Variants in EVI5 observed in about 807,000 individuals in gnomAD.
EVI5 encodes the protein ecotropic viral integration site 5 protein homolog.
In EVI5, 73 loss-of-function variants were observed where a neutral mutation model predicts 112.0. The observed-to-expected ratio is 0.65, with a 90% CI of 0.54 to 0.79. The LOEUF is 0.79. Ranked by LOEUF, EVI5 falls within the 30% of genes least tolerant of loss-of-function variation. EVI5 has a pLI of 0.00. For missense variants in EVI5, 900 were observed against 968.8 expected, an observed-to-expected ratio of 0.93 and a Z score of 0.94; for synonymous variants, 305 against 319.9, an observed-to-expected ratio of 0.95 and a Z score of 0.50.
chr1:92,603,234 C>A (rs187079550), intron 18 of EVI5, among the ~76,000 whole-genome samples: 1 of 152,092 alleles, frequency 6.6e-6, no homozygotes, highest in African/African-American at 2.4e-5. Context: ...AAAATGAAAT[C>A]CTCATGCATT....
At chr1:92,734,783 C>T (rs1677066208) in intron 2 of EVI5, among the ~76,000 whole-genome samples, 1 of 151,930 alleles carries the variant, frequency 6.6e-6, no homozygotes, top group South Asian at 2.1e-4. Flanking sequence ...AGACTTTTAC[C>T]CCAAACATAT....
At chr1:92,694,216 G>T in intron 8 of EVI5, 83 bp downstream of exon 8, 1 of 778,210 alleles carries the variant, frequency 1.3e-6, no homozygotes, top group South Asian at 1.7e-5. Context: ...AGTGAGCCAA[G>T]ATCACGCCAC....
At chr1:92,765,234 T>A (rs1313274567) in intron 1 of EVI5, among the ~76,000 whole-genome samples, 2 of 147,996 alleles carry the variant, frequency 1.4e-5, no homozygotes, top group Non-Finnish European at 3.0e-5. Flanking sequence ...TTTTTTTTTT[T>A]AATAGAGACA....
intron 1 of EVI5, among the ~76,000 whole-genome samples, chr1:92,770,555 C>T (rs1181096404): frequency 6.6e-6 from 1 of 152,044 alleles, no homozygotes; most frequent in Non-Finnish European, 1.5e-5. Context: ...CTTTGGGAGG[C>T]CAAGGCGGGC....
At chr1:92,539,008 G>GT (rs1664338489) in intron 19 of EVI5, among the ~76,000 whole-genome samples, 1 of 152,224 alleles carries the variant, frequency 6.6e-6, no homozygotes, top group Non-Finnish European at 1.5e-5. Flanking sequence ...CACTGAGGCA[G>GT]TGGAGTAGTG....
chr1:92,634,805 T>A (rs1349576584), intron 14 of EVI5, among the ~76,000 whole-genome samples: 1 of 152,184 alleles, frequency 6.6e-6, no homozygotes, highest in Non-Finnish European at 1.5e-5. Flanking sequence ...CCCATCTTTG[T>A]GGTTTTATCT....
chr1:92,591,140 T>C (rs1328266743), intron 18 of EVI5, among the ~76,000 whole-genome samples: 1 of 152,188 alleles, frequency 6.6e-6, no homozygotes, highest in Admixed American at 6.5e-5. Context: ...GAACAACTGA[T>C]ACCAGCCACT....
In EVI5 at chr1:92,513,866, G is replaced by T. The variant is rs201155262; in HGVS notation, c.2271C>A (p.Ser757=). The T allele has an allele frequency of 6.2e-7, 1 of 1,612,854 alleles. No homozygotes were observed. The highest frequency in any genetic ancestry group is 2.2e-5 in the East Asian group (1 of 44,844). The change falls in exon 20 of 20, where the codon TCC becomes TCA. Residue 757 remains serine, a synonymous_variant. Transcript: ENST00000684568. The part of the protein sequence containing the change: ...LIGDDESFHS[S]DEDFIDNSLQ... ...AGGAATTATCTATAAAATCTTCATC[G>T]GAGGAATGGAATGATTCATCATCTC... is the stretch of plus-strand genomic sequence containing the variant.
chr1:92,624,356 T>G, intron 15 of EVI5, 22 bp from the exon 16 acceptor site: 1 of 1,602,968 alleles, frequency 6.2e-7, no homozygotes, highest in Non-Finnish European at 8.5e-7. Flanking sequence ...AAAATTATAT[T>G]GCAACAAATA....
At chr1:92,725,971 G>C (rs1231631799) in intron 2 of EVI5, among the ~76,000 whole-genome samples, 2 of 152,132 alleles carry the variant, frequency 1.3e-5, no homozygotes, top group African/African-American at 2.4e-5. Flanking sequence ...AAATACACTA[G>C]ATGGGATTAA....
chr1:92,684,923 CAA>C (rs984106412), intron 9 of EVI5, among the ~76,000 whole-genome samples: 1 of 152,054 alleles, frequency 6.6e-6, no homozygotes, highest in African/African-American at 2.4e-5. Context: ...GAGAGACCTA[CAA>C]AGAGACTTAG....
chr1:92,754,079 G>C (rs1342541304), intron 1 of EVI5, among the ~76,000 whole-genome samples: 3 of 152,154 alleles, frequency 2.0e-5, no homozygotes, highest in Non-Finnish European at 4.4e-5. Flanking sequence ...TACTCCCATA[G>C]CCAGGGTAGC....
chr1:92,749,810 C>T (rs1375822605), intron 1 of EVI5, among the ~76,000 whole-genome samples: 1 of 152,170 alleles, frequency 6.6e-6, no homozygotes, highest in African/African-American at 2.4e-5. Context: ...CCTTATCACA[C>T]ATAATCTACA....
Position 92,592,075 on chromosome 1 carries a change from C to G in EVI5, c.2070+13232G>C, listed in dbSNP as rs371228415. On this transcript the variant is annotated intron_variant, in intron 18 of 19. Coordinates refer to ENST00000684568, the MANE Select transcript of EVI5 (RefSeq NM_001350197.2). ...TGGCTAACATGGTGAAACCCCGTCT[C>G]TACTAAAAATACAAAAAATTAGCCG... 1.1e-4 allele frequency among the ~76,000 whole-genome samples: 16 copies of G among 152,242 alleles called. No homozygotes were observed. In the East Asian group the frequency reaches 1.7e-3, roughly 17 times the overall value.
At chr1:92,626,408 T>A (rs770073623) in intron 14 of EVI5, among the ~76,000 whole-genome samples, 2 of 152,206 alleles carry the variant, frequency 1.3e-5, no homozygotes, top group African/African-American at 4.8e-5. Context: ...ATATACCACA[T>A]TTAATCTATT....
upstream of EVI5, among the ~76,000 whole-genome samples, chr1:92,787,568 CA>C (rs5776157): frequency 0.91 from 137,757 of 151,294 alleles, 62,761 homozygotes; most frequent in South Asian, 0.97. Context: ...CCTATCTTTA[CA>C]AAAAAAAAAT....
rs550958009 is a variant in EVI5 at position 92,639,108 on chromosome 1, T to C, written c.1393-2772A>G. Reference sequence around the variant, plus strand: ...ATAGAAATGACAGATGACTTCTCTATACTTACATCAAGTTAATTTATGTAA... The same window carrying C: ...ATAGAAATGACAGATGACTTCTCTACACTTACATCAAGTTAATTTATGTAA... On this transcript the variant is annotated intron_variant, in intron 13 of 19. Coordinates refer to ENST00000684568, the MANE Select transcript of EVI5 (RefSeq NM_001350197.2). 1.3e-4 allele frequency among the ~76,000 whole-genome samples: 20 copies of C among 152,298 alleles called. 1 individual carries two copies. The highest frequency in any genetic ancestry group is 4.8e-4 in the African/African-American group (20 of 41,572).
chr1:92,716,737 G>A (rs940600050), intron 2 of EVI5, among the ~76,000 whole-genome samples: 1 of 151,588 alleles, frequency 6.6e-6, no homozygotes, highest in Non-Finnish European at 1.5e-5. Flanking sequence ...AAGATTAGAC[G>A]AATGGCTAAC....
In EVI5 at chr1:92,715,648, G is replaced by A. The variant is rs117037112; in HGVS notation, c.150-10904C>T. 1.3e-3 allele frequency among the ~76,000 whole-genome samples: 205 copies of A among 152,310 alleles called. 2 individuals carry two copies. The East Asian group carries it at 0.034, about 26-fold the overall frequency. Reference sequence around the variant, plus strand: ...AGCCCACAGAGGGCGAGCCAAAGCAGGGCGGGGCGTCACCTCACCCAGTAA... The same window carrying A: ...AGCCCACAGAGGGCGAGCCAAAGCAAGGCGGGGCGTCACCTCACCCAGTAA... On this transcript the variant is annotated intron_variant, in intron 2 of 19. Transcript: ENST00000684568.
Sources: gnomAD v4.1 joint callset for allele counts (sites outside exome capture counted in the v4.1 genomes callset) on GRCh38, gnomAD v4.1.1 for gene constraint, MANE v1.5 for transcripts, NCBI Gene and HGNC (gene_info 2026-07-23, HGNC 2026-07-21) for gene names.